TRAPPC9: variants seen among roughly 807,000 people sequenced by gnomAD.
TRAPPC9 encodes the protein IKK2 binding protein.
TRAPPC9 carries 83 observed loss-of-function variants against 124.0 expected under a neutral mutation model. The observed-to-expected ratio is 0.67, with a 90% confidence interval of 0.56 to 0.80. TRAPPC9 has a LOEUF of 0.80. Ranked by LOEUF, TRAPPC9 falls within the 30% of genes least tolerant of loss-of-function variation. The pLI, the probability that TRAPPC9 is intolerant of heterozygous loss-of-function variation, is 0.00. For synonymous variants in TRAPPC9, 638 were observed against 617.5 expected (o/e 1.03, Z -0.49); for missense variants, 1,302 against 1,508.3 (o/e 0.86, Z 2.27).
chr8:140,307,018 G>T (rs2066156130), intron 10 of TRAPPC9, among the ~76,000 whole-genome samples: 1 of 152,112 alleles, frequency 6.6e-6, no homozygotes, highest in Non-Finnish European at 1.5e-5. Context: ...TGCTTTAGGG[G>T]AACTACACAC....
intron 17 of TRAPPC9, among the ~76,000 whole-genome samples, chr8:140,034,379 T>C (rs1012688339): frequency 1.3e-5 from 2 of 152,190 alleles, no homozygotes; most frequent in Non-Finnish European, 2.9e-5. Context: ...AATTCTTCCT[T>C]GGTTATTGGG....
At chr8:140,083,257 G>A (rs1213827201) in intron 17 of TRAPPC9, among the ~76,000 whole-genome samples, 1 of 152,096 alleles carries the variant, frequency 6.6e-6, no homozygotes, top group East Asian at 1.9e-4. Context: ...CTAATAATAT[G>A]ACCAGGAAAA....
intron 16 of TRAPPC9, among the ~76,000 whole-genome samples, chr8:140,231,530 T>G (rs192433556): frequency 0.017 from 2,171 of 129,816 alleles, 23 homozygotes; most frequent in Non-Finnish European, 0.025. Context: ...TCTTGCTCTG[T>G]CGCCCAGGCT....
chr8:140,058,711 T>C (rs560264662), intron 17 of TRAPPC9, among the ~76,000 whole-genome samples: 4 of 152,168 alleles, frequency 2.6e-5, no homozygotes, highest in Non-Finnish European at 5.9e-5. Context: ...CGAAAGAGAA[T>C]GTGGAAGACA....
chr8:139,816,427 T>C (rs369772898), intron 21 of TRAPPC9, among the ~76,000 whole-genome samples: 1 of 152,182 alleles, frequency 6.6e-6, no homozygotes, highest in South Asian at 2.1e-4. Flanking sequence ...GCTGGGTGTG[T>C]TGCAGCACTG....
intron 21 of TRAPPC9, among the ~76,000 whole-genome samples, chr8:139,768,554 C>T (rs1563799546): frequency 6.6e-6 from 1 of 152,226 alleles, no homozygotes; most frequent in Non-Finnish European, 1.5e-5. Flanking sequence ...TGTTAGTGGT[C>T]ACCATCTCTG....
intron 16 of TRAPPC9, among the ~76,000 whole-genome samples, chr8:140,243,651 G>T (rs2063914576): frequency 1.3e-5 from 2 of 152,200 alleles, no homozygotes; most frequent in African/African-American, 4.8e-5. Context: ...AAAGGACCAG[G>T]TTTGCCGCCC....
chr8:139,976,762 C>CA (rs1269562240), intron 19 of TRAPPC9, among the ~76,000 whole-genome samples: 3 of 152,334 alleles, frequency 2.0e-5, no homozygotes, highest in Non-Finnish European at 2.9e-5. Context: ...ACTCAGCTGC[C>CA]ATCCCGGTGC....
chr8:139,791,562 C>T lies in TRAPPC9; in HGVS notation c.3056-59360G>A, dbSNP rs547241124. On this transcript the variant is annotated intron_variant, in intron 21 of 22. Coordinates refer to ENST00000438773, the MANE Select transcript of TRAPPC9 (RefSeq NM_001160372.4). ...TCTCTCCTGCACTCACTCACACAGGCGCCCATCTCCCCTGCACAGACACAC... is the reference window on the plus strand; with the variant it reads ...TCTCTCCTGCACTCACTCACACAGGTGCCCATCTCCCCTGCACAGACACAC... Among the ~76,000 whole-genome samples the T allele has an allele frequency of 9.9e-5, 15 of 151,716 alleles. No individual in the cohort carries two copies. In the South Asian group the frequency reaches 1.7e-3, roughly 17 times the overall value.
chr8:140,446,119 C>T (rs1463935771), intron 2 of TRAPPC9, among the ~76,000 whole-genome samples: 4 of 151,954 alleles, frequency 2.6e-5, no homozygotes, highest in African/African-American at 9.7e-5. Context: ...ATAGTGAAAC[C>T]CTGTCTGTAC....
At chr8:140,207,103 C>T (rs1055276549) in intron 17 of TRAPPC9, among the ~76,000 whole-genome samples, 6 of 152,188 alleles carry the variant, frequency 3.9e-5, no homozygotes, top group Admixed American at 6.5e-5. Flanking sequence ...TCTCAGGAAG[C>T]GGAGCATTCC....
chr8:140,127,554 C>T lies in TRAPPC9; in HGVS notation c.2556+93905G>A, dbSNP rs964392959. Among the ~76,000 whole-genome samples the T allele has an allele frequency of 1.1e-4, 17 of 152,268 alleles. No homozygotes were observed. In the South Asian group the frequency reaches 2.3e-3, roughly 20 times the overall value. The stretch of plus-strand genomic sequence containing the variant: ...GGAGCAGGCCCTCAGGAAATATCCA[C>T]GGAGCTAAAGAAACAAGTATCTCTT... On this transcript the variant is annotated intron_variant, in intron 17 of 22. Coordinates refer to ENST00000438773, the MANE Select transcript of TRAPPC9 (RefSeq NM_001160372.4).
intron 21 of TRAPPC9, among the ~76,000 whole-genome samples, chr8:139,812,272 G>T (rs1391648814): frequency 6.6e-6 from 1 of 152,310 alleles, no homozygotes; most frequent in African/African-American, 2.4e-5. Context: ...ATACATGCTT[G>T]GCTTAGCTGT....
intron 21 of TRAPPC9, among the ~76,000 whole-genome samples, chr8:139,794,541 C>T (rs763537602): frequency 1.7e-4 from 26 of 152,196 alleles, no homozygotes; most frequent in Non-Finnish European, 2.8e-4. Flanking sequence ...CCACAACAGA[C>T]GCTGGGCCCA....
rs557663368 is a variant in TRAPPC9, at chr8:139,937,759, C to T, written c.2811-27459G>A. On this transcript the variant is annotated intron_variant, in intron 19 of 22. Transcript: ENST00000438773. ...AGCGGAAATGCGGACGCAAATGTCA[C>T]GTATTATTACCGCTGCCGCCACGGT... is the stretch of plus-strand genomic sequence containing the variant. Among the ~76,000 whole-genome samples the T allele has an allele frequency of 5.9e-5, 9 of 152,172 alleles. No homozygotes were observed. The South Asian group carries it at 6.2e-4, about 11-fold the overall frequency.
Position 139,907,379 on chromosome 8 carries a change from T to G in TRAPPC9, c.2964+2768A>C, listed in dbSNP as rs1452078617. Among the ~76,000 whole-genome samples, 4 of 152,160 alleles carry G rather than the reference T, an allele frequency of 2.6e-5. No individual in the cohort carries two copies. The highest frequency in any genetic ancestry group is 4.1e-4 in the South Asian group (2 of 4,824). On this transcript the variant is annotated intron_variant, in intron 20 of 22. Transcript: ENST00000438773. This position sits in a 1 kb window ranked among gnomAD's most constrained non-coding sequence, Gnocchi z 4.7. ...AAAAAGTCTAAATGTTTAGAAAATA[T>G]TATTAAAATGCATAATGAAATTATT... is the stretch of plus-strand genomic sequence containing the variant.
chr8:139,782,336 T>C (rs1417088286), intron 21 of TRAPPC9, among the ~76,000 whole-genome samples: 1 of 152,068 alleles, frequency 6.6e-6, no homozygotes, highest in East Asian at 1.9e-4. Flanking sequence ...GCAGAGATCG[T>C]GCCACTGCAC....
intron 17 of TRAPPC9, among the ~76,000 whole-genome samples, chr8:140,121,334 T>C (rs913187228): frequency 2.0e-5 from 3 of 152,074 alleles, no homozygotes; most frequent in Non-Finnish European, 4.4e-5. Flanking sequence ...AGAGGGACAG[T>C]GTTAAGGGTC....
chr8:139,772,238 T>G (rs765519548), intron 21 of TRAPPC9, among the ~76,000 whole-genome samples: 1 of 152,230 alleles, frequency 6.6e-6, no homozygotes, highest in Non-Finnish European at 1.5e-5. Flanking sequence ...CACAGGTCTG[T>G]GCCTGTGGCC....
Sources: gnomAD v4.1 joint callset for allele counts (sites outside exome capture counted in the v4.1 genomes callset) on GRCh38, gnomAD v4.1.1 for gene constraint, Gnocchi (gnomAD v3.1) non-coding constraint, MANE v1.5 for transcripts, NCBI Gene and HGNC (gene_info 2026-07-23, HGNC 2026-07-21) for gene names.